Variants in NRG3 observed in about 807,000 individuals in gnomAD.
The protein encoded by NRG3 is neuregulin 3, also known as pro-neuregulin-3, membrane-bound isoform.
In NRG3, 31 loss-of-function variants were observed where a neutral mutation model predicts 66.9. The observed-to-expected ratio is 0.46, with a 90% CI of 0.35 to 0.63. NRG3 has a LOEUF of 0.63. NRG3 is among the 20% of genes least tolerant of loss of function. The pLI is 0.00. For synonymous variants in NRG3, 393 were observed against 359.4 expected (o/e 1.09, Z -1.06); for missense variants, 910 against 878.9 (o/e 1.04, Z -0.45).
chr10:82,728,206 G>A (rs534661247), intron 2 of NRG3, among the ~76,000 whole-genome samples: 1 of 152,266 alleles, frequency 6.6e-6, no homozygotes, highest in South Asian at 2.1e-4. Flanking sequence ...GGGAACGCAT[G>A]ATTTGTTTTG....
intron 1 of NRG3, among the ~76,000 whole-genome samples, chr10:82,198,995 TAAA>T (rs377250051): frequency 3.1e-5 from 4 of 130,082 alleles, no homozygotes; most frequent in Non-Finnish European, 4.9e-5. Flanking sequence ...CGACTCCATC[TAAA>T]AAAAAAAAAA....
chr10:82,833,164 G>T (rs556792987), intron 3 of NRG3, among the ~76,000 whole-genome samples: 7 of 152,114 alleles, frequency 4.6e-5, no homozygotes, highest in Admixed American at 4.6e-4. Flanking sequence ...GAATAAGGAA[G>T]AAAATAAAAA....
intron 6 of NRG3, among the ~76,000 whole-genome samples, chr10:82,966,836 A>T (rs997692179): frequency 2.0e-5 from 3 of 152,016 alleles, no homozygotes; most frequent in African/African-American, 7.2e-5. Flanking sequence ...CGTTCTCATC[A>T]GTTTTTTCTG....
At chr10:82,551,682 G>A (rs560044770) in intron 2 of NRG3, among the ~76,000 whole-genome samples, 1 of 151,424 alleles carries the variant, frequency 6.6e-6, no homozygotes, top group Non-Finnish European at 1.5e-5. Context: ...AAGTCAAATA[G>A]CTTTGCAACC....
At chr10:82,778,472 A>G (rs2059991223) in intron 3 of NRG3, among the ~76,000 whole-genome samples, 1 of 152,186 alleles carries the variant, frequency 6.6e-6, no homozygotes, top group African/African-American at 2.4e-5. Flanking sequence ...GAGTGCAAGC[A>G]GGCAAAATGC....
At chr10:82,857,726 T>C (rs1323983090) in intron 3 of NRG3, among the ~76,000 whole-genome samples, 1 of 152,240 alleles carries the variant, frequency 6.6e-6, no homozygotes, top group Non-Finnish European at 1.5e-5. Context: ...ATATGATTTT[T>C]TACATTCCAC....
At chr10:81,919,772 G>T (rs1362454597) in intron 1 of NRG3, among the ~76,000 whole-genome samples, 1 of 152,016 alleles carries the variant, frequency 6.6e-6, no homozygotes, top group African/African-American at 2.4e-5. Flanking sequence ...AGACACCCAT[G>T]AATGTCCAGA....
intron 2 of NRG3, among the ~76,000 whole-genome samples, chr10:82,452,529 T>C (rs540640816): frequency 4.7e-4 from 72 of 152,346 alleles, no homozygotes; most frequent in Non-Finnish European, 7.6e-4. Context: ...ATAATATCCA[T>C]GTGAGAATCG....
intron 1 of NRG3, among the ~76,000 whole-genome samples, chr10:82,107,150 A>G (rs2067117058): frequency 6.6e-6 from 1 of 152,228 alleles, no homozygotes; most frequent in Non-Finnish European, 1.5e-5. Flanking sequence ...GAATGCTTGC[A>G]TTACACTTAC....
At chr10:82,894,107 T>C (rs1205726147) in intron 4 of NRG3, among the ~76,000 whole-genome samples, 1 of 152,196 alleles carries the variant, frequency 6.6e-6, no homozygotes, top group Non-Finnish European at 1.5e-5. Context: ...CCAAAATTTA[T>C]TTTAAATGCA....
At chr10:82,588,157 T>C (rs1013733617) in intron 2 of NRG3, among the ~76,000 whole-genome samples, 5 of 152,128 alleles carry the variant, frequency 3.3e-5, no homozygotes, top group Admixed American at 1.3e-4. Flanking sequence ...GTTCCATCCT[T>C]TTCCCAGCTG....
At chr10:82,780,452 G>A (rs2060074513) in intron 3 of NRG3, among the ~76,000 whole-genome samples, 1 of 148,350 alleles carries the variant, frequency 6.7e-6, no homozygotes, top group South Asian at 2.1e-4. Context: ...TGTCATCTCA[G>A]CATTGCGCCT....
At chr10:81,992,153 C>T (rs1201618004) in intron 1 of NRG3, among the ~76,000 whole-genome samples, 5 of 151,908 alleles carry the variant, frequency 3.3e-5, no homozygotes, top group Non-Finnish European at 2.9e-5. Flanking sequence ...AAAATTGAAA[C>T]TGTGAACAAT....
intron 1 of NRG3, among the ~76,000 whole-genome samples, chr10:81,879,997 C>A (rs1437334330): frequency 1.3e-5 from 2 of 152,182 alleles, no homozygotes; most frequent in African/African-American, 4.8e-5. Flanking sequence ...AGCTCAGGAT[C>A]AATATTTCTT....
chr10:82,783,985 G>T (rs1360105933), intron 3 of NRG3, among the ~76,000 whole-genome samples: 11 of 151,956 alleles, frequency 7.2e-5, no homozygotes, highest in South Asian at 2.1e-4. Context: ...AACCAAAACA[G>T]CATGGTACTG....
intron 1 of NRG3, among the ~76,000 whole-genome samples, chr10:81,905,582 C>T (rs1174353920): frequency 1.3e-5 from 2 of 152,098 alleles, no homozygotes; most frequent in East Asian, 1.9e-4. Flanking sequence ...TTCAATAGAA[C>T]ATAACTTGAG....
rs755752238 is a variant in NRG3 at position 82,985,558 on chromosome 10, T to C, written c.2044T>C (p.Phe682Leu). 1.8e-5 allele frequency: 29 copies of C among 1,613,664 alleles called. No homozygotes were observed. In the South Asian group the frequency reaches 3.1e-4, roughly 17 times the overall value. Residue 682 changes from phenylalanine (F) to leucine (L), a missense_variant, in exon 9 of 9, where the codon TTT becomes CTT. Phe to Leu is a conservative substitution (Grantham distance 22). Transcript: ENST00000372141. ...PTAKSEREAQ[F>L]VLRNEIQRDS... is the part of the protein sequence containing the mutation. ...AGCCAAATCAGAACGAGAGGCGCAA[T>C]TTGTCTTAAGAAATGAAATACAAAG...
At chr10:82,343,814 C>G (rs2082815573) in intron 1 of NRG3, among the ~76,000 whole-genome samples, 1 of 152,000 alleles carries the variant, frequency 6.6e-6, no homozygotes, top group Non-Finnish European at 1.5e-5. Flanking sequence ...CCTGGGTTCC[C>G]AAATCTCCTC....
At chr10:82,590,014 C>T (rs1223986378) in intron 2 of NRG3, among the ~76,000 whole-genome samples, 9 of 152,082 alleles carry the variant, frequency 5.9e-5, no homozygotes, top group Admixed American at 5.9e-4. Context: ...TTCAACCTCC[C>T]ACCCATGTTA....
Sources: gnomAD v4.1 joint callset for allele counts (sites outside exome capture counted in the v4.1 genomes callset) on GRCh38, gnomAD v4.1.1 for gene constraint, MANE v1.5 for transcripts, NCBI Gene and HGNC (gene_info 2026-07-23, HGNC 2026-07-21) for gene names.